The following TMCC1 variants were observed in gnomAD, a reference collection of about 807,000 sequenced individuals.
The protein encoded by TMCC1 is transmembrane and coiled-coil domain family 1.
TMCC1 carries 15 observed loss-of-function variants against 52.4 expected under a neutral mutation model. The ratio of observed to expected loss-of-function variants is 0.29; its 90% CI spans 0.19 to 0.44. The LOEUF is 0.44. Among genes scored for constraint, TMCC1 ranks in the 20% least tolerant of loss-of-function variants. The probability of loss-of-function intolerance (pLI) is 1.00; values close to 1 mark genes in which losing one functional copy is unlikely to be tolerated. For synonymous variants in TMCC1, 279 were observed against 301.9 expected (o/e 0.92, Z 0.79); for missense variants, 503 against 806.0 (o/e 0.62, Z 4.55).
intron 4 of TMCC1, among the ~76,000 whole-genome samples, chr3:129,701,728 GAC>G (rs1576499575): frequency 6.6e-6 from 1 of 152,194 alleles, no homozygotes; most frequent in East Asian, 1.9e-4. Flanking sequence ...AAGTAACAAA[GAC>G]TGCTTATTTA....
intron 4 of TMCC1, among the ~76,000 whole-genome samples, chr3:129,788,460 AT>A (rs1311027179): frequency 2.0e-5 from 3 of 151,430 alleles, no homozygotes; most frequent in African/African-American, 7.3e-5. Context: ...CTGGGGTCTT[AT>A]TTTTTATTTT....
At chr3:129,766,908 C>A (rs952217213) in intron 4 of TMCC1, among the ~76,000 whole-genome samples, 9 of 151,780 alleles carry the variant, frequency 5.9e-5, no homozygotes, top group African/African-American at 2.2e-4. Context: ...TGTGAGCCAC[C>A]GTGCCCAGCG....
chr3:129,653,730 C>T (rs923305110), intron 6 of TMCC1, among the ~76,000 whole-genome samples: 31 of 152,128 alleles, frequency 2.0e-4, no homozygotes, highest in Admixed American at 3.3e-4. Context: ...TACAGGCGTG[C>T]GCCACCATGC....
chr3:129,891,335 G>C (rs2061955165), intron 1 of TMCC1, among the ~76,000 whole-genome samples: 1 of 152,128 alleles, frequency 6.6e-6, no homozygotes, highest in South Asian at 2.1e-4. Flanking sequence ...GCTAAGAATG[G>C]TTTTACATTT....
intron 4 of TMCC1, among the ~76,000 whole-genome samples, chr3:129,788,541 C>T (rs1198725186): frequency 6.6e-6 from 1 of 151,992 alleles, no homozygotes; most frequent in Non-Finnish European, 1.5e-5. Flanking sequence ...CTGCTCACTG[C>T]AAGCTCTGCC....
At chr3:129,782,308 A>G (rs2055599166) in intron 4 of TMCC1, among the ~76,000 whole-genome samples, 1 of 152,164 alleles carries the variant, frequency 6.6e-6, no homozygotes, top group Non-Finnish European at 1.5e-5. Context: ...ACAGGATGAT[A>G]ATGAGGAACC....
chr3:129,754,635 G>A (rs1576697555), intron 4 of TMCC1, among the ~76,000 whole-genome samples: 2 of 152,136 alleles, frequency 1.3e-5, no homozygotes, highest in Admixed American at 1.3e-4. Flanking sequence ...TTAAGCAAAT[G>A]GTGATGGAAA....
At chr3:129,848,134 T>G (rs146643470) in intron 2 of TMCC1, among the ~76,000 whole-genome samples, 157 of 152,358 alleles carry the variant, frequency 1.0e-3, no homozygotes, top group African/African-American at 3.4e-3. Context: ...TAAAGGTATC[T>G]TTCAAAGATT....
intron 4 of TMCC1, among the ~76,000 whole-genome samples, chr3:129,705,031 G>T (rs774502200): frequency 6.6e-6 from 1 of 152,278 alleles, no homozygotes; most frequent in Middle Eastern, 3.4e-3. Flanking sequence ...AATAGAGAAA[G>T]TACAGAAAAT....
chr3:129,684,723 G>A (rs1348671815), intron 4 of TMCC1, among the ~76,000 whole-genome samples: 1 of 152,198 alleles, frequency 6.6e-6, no homozygotes, highest in African/African-American at 2.4e-5. Context: ...AAAAGGGACG[G>A]ATTCAGGAAT....
intron 4 of TMCC1, among the ~76,000 whole-genome samples, chr3:129,781,227 T>C (rs2055496963): frequency 6.6e-6 from 1 of 152,190 alleles, no homozygotes. Flanking sequence ...CCATTCATTT[T>C]CTTTGCCGAC....
rs775227252 is a variant in TMCC1, at chr3:129,651,628, G to A, written c.1815C>T (p.Ser605=). Residue 605 remains serine, a synonymous_variant, in exon 7 of 7, where the codon TCC becomes TCT. Transcript: ENST00000393238. This position sits in a 1 kb window ranked among gnomAD's most constrained non-coding sequence, Gnocchi z 5.1. The part of the protein sequence containing the change: ...AVMAVLLVFV[S]TVANCVVPLM... ...GGGGGACCACACAGTTGGCTACAGT[G>A]GAGACAAAGACCAAAAGGACTGCCA... 31 of 1,614,118 alleles carry A rather than the reference G, an allele frequency of 1.9e-5. No homozygotes were observed. In the Middle Eastern group the frequency reaches 8.2e-4, roughly 43 times the overall value.
chr3:129,659,131 G>C (rs1360856442), intron 5 of TMCC1, among the ~76,000 whole-genome samples: 20 of 133,984 alleles, frequency 1.5e-4, no homozygotes, highest in African/African-American at 2.8e-5. Context: ...ATGGGGTCTT[G>C]CTCTGTCACC....
At chr3:129,705,749 C>T (rs189445633) in intron 4 of TMCC1, among the ~76,000 whole-genome samples, 154 of 151,670 alleles carry the variant, frequency 1.0e-3, no homozygotes, top group African/African-American at 3.4e-3. Flanking sequence ...CCCGCCACCA[C>T]GCCCACCTAA....
intron 4 of TMCC1, among the ~76,000 whole-genome samples, chr3:129,790,417 C>G (rs141612653): frequency 6.6e-6 from 1 of 152,012 alleles, no homozygotes; most frequent in Admixed American, 6.5e-5. Context: ...ATGAACTACA[C>G]GAAATGACAC....
chr3:129,683,363 C>T (rs2089164594), intron 4 of TMCC1, among the ~76,000 whole-genome samples: 1 of 152,160 alleles, frequency 6.6e-6, no homozygotes, highest in Admixed American at 6.5e-5. Flanking sequence ...TGGCACCCAA[C>T]CGTATTATCT....
At chr3:129,762,920 C>T (rs918734189) in intron 4 of TMCC1, among the ~76,000 whole-genome samples, 6 of 151,518 alleles carry the variant, frequency 4.0e-5, no homozygotes, top group Non-Finnish European at 7.4e-5. Context: ...CATTATAGGC[C>T]GGGCGCGGTG....
intron 1 of TMCC1, chr3:129,892,726 G>C: frequency 6.6e-6 from 1 of 152,138 alleles, no homozygotes; most frequent in South Asian, 2.1e-4. Context: ...GATTCACCTG[G>C]GGATTCCTCA....
intron 3 of TMCC1, among the ~76,000 whole-genome samples, chr3:129,831,078 G>A (rs556634741): frequency 4.9e-4 from 74 of 152,118 alleles, no homozygotes; most frequent in Non-Finnish European, 4.1e-4. Flanking sequence ...AGGATTACAG[G>A]CACGTGCCAC....
Sources: allele counts gnomAD v4.1 joint callset (sites outside exome capture counted in the v4.1 genomes callset), GRCh38; gene constraint gnomAD v4.1.1; non-coding constraint Gnocchi (gnomAD v3.1); transcripts MANE v1.5; gene names NCBI Gene and HGNC (gene_info 2026-07-23, HGNC 2026-07-21).